Variants in BMP8B observed in about 807,000 individuals in gnomAD.
The protein encoded by BMP8B is bone morphogenetic protein 8 (osteogenic protein 2).
In BMP8B, 17 loss-of-function variants were observed where a neutral mutation model predicts 30.3. That is an observed-to-expected ratio of 0.56 (90% CI 0.38 to 0.84). BMP8B has a LOEUF of 0.84. Ranked by LOEUF, BMP8B falls within the 40% of genes least tolerant of loss-of-function variation. The pLI, the probability that BMP8B is intolerant of heterozygous loss-of-function variation, is 0.00. For synonymous variants in BMP8B, 131 were observed against 214.7 expected (o/e 0.61, Z 3.41); for missense variants, 253 against 494.6 (o/e 0.51, Z 4.63).
In BMP8B at chr1:39,788,092, C is replaced by A; in HGVS notation, c.334+60G>T. The stretch of plus-strand genomic sequence containing the variant: ...CAGGGCCCGGCACAGCCCGCGGATG[C>A]GCGCCCCTCCCCTGCAGCCAGCTTA... On this transcript the variant is annotated intron_variant, in intron 1 of 6. Coordinates refer to ENST00000372827, the MANE Select transcript of BMP8B (RefSeq NM_001720.5). This position sits in a 1 kb window ranked among gnomAD's most constrained non-coding sequence, Gnocchi z 5.8. 2.9e-6 allele frequency: 4 copies of A among 1,402,820 alleles called. No homozygotes were observed. The highest frequency in any genetic ancestry group is 2.8e-6 in the Non-Finnish European group (3 of 1,085,922). The allele number at this position is 1,402,820 out of a possible 1,614,324, so 86.9% of individuals were successfully genotyped here.
intron 6 of BMP8B, 97 bp from the exon 7 acceptor site, chr1:39,760,665 G>A: frequency 6.9e-7 from 1 of 1,453,112 alleles, no homozygotes; most frequent in Non-Finnish European, 9.2e-7. Context: ...CCCTGCCCTG[G>A]CCATCTCCAG....
At position 39,786,634 on chromosome 1, in the gene BMP8B, T is replaced by C. The variant is rs1035107629; in HGVS notation, c.334+1518A>G. Among the ~76,000 whole-genome samples the C allele has an allele frequency of 6.6e-5, 10 of 152,106 alleles. No homozygotes were observed. The East Asian group carries it at 7.7e-4, about 12-fold the overall frequency. On this transcript the variant is annotated intron_variant, in intron 1 of 6. Coordinates refer to ENST00000372827, the MANE Select transcript of BMP8B (RefSeq NM_001720.5). ...CTCCCTGGGGACATTCTTGGACGAC[T>C]CCATCCACAACTCTTCTTGGTCCTG...
chr1:39,761,771 G>A (rs1363656971), intron 6 of BMP8B, among the ~76,000 whole-genome samples: 1 of 152,164 alleles, frequency 6.6e-6, no homozygotes, highest in African/African-American at 2.4e-5. Context: ...GCCAGGCCCA[G>A]TCTCTCCCCA....
Position 39,763,715 on chromosome 1 carries a change from C to A in BMP8B, c.945G>T (p.Trp315Cys), listed in dbSNP as rs1284016425. 1 of 1,599,908 alleles carries A rather than the reference C, an allele frequency of 6.3e-7. No homozygotes were observed. The highest frequency in any genetic ancestry group is 8.5e-7 in the Non-Finnish European group (1 of 1,172,984). Residue 315 changes from tryptophan (W) to cysteine (C), a missense_variant, in exon 5 of 7, where the codon TGG becomes TGT. Physicochemically the swap from Trp to Cys is radical, Grantham distance 215. This residue lies in a region of BMP8B where 116 missense variants were observed against 142.3 expected (regional missense o/e 0.81). Transcript: ENST00000372827. ...ELYVSFQDLG[W>C]LDWVIAPQGY... ...AACAAGAAGAGTCAGCAATTACCAG[C>A]CAGCCGAGGTCCTGGAAGCTGACGT...
At chr1:39,769,653 G>T (rs1172638968) in intron 3 of BMP8B, 1 of 1,479,690 alleles carries the variant, frequency 6.8e-7, no homozygotes, top group East Asian at 2.4e-5. Context: ...GGGGAACCCG[G>T]TGGCACCCGC....
At chr1:39,785,817 C>T (rs1003419881) in intron 1 of BMP8B, among the ~76,000 whole-genome samples, 1 of 152,202 alleles carries the variant, frequency 6.6e-6, no homozygotes, top group African/African-American at 2.4e-5. Flanking sequence ...GCCCCCCCAC[C>T]GCCCCACCCA....
intron 1 of BMP8B, among the ~76,000 whole-genome samples, chr1:39,783,065 C>G (rs905820804): frequency 1.3e-5 from 2 of 152,148 alleles, no homozygotes; most frequent in Non-Finnish European, 2.9e-5. Flanking sequence ...TGGCCGGATA[C>G]AGGCATTATT....
At chr1:39,776,876 G>A (rs115051565) in intron 1 of BMP8B, among the ~76,000 whole-genome samples, 1,902 of 152,202 alleles carry the variant, frequency 0.012, 48 homozygotes, top group African/African-American at 0.043. Flanking sequence ...CCACACACAG[G>A]GAGTTTACGG....
rs200807723 is a variant in BMP8B, at chr1:39,760,373, C to T, written c.*46G>A. On this transcript the variant is annotated 3_prime_UTR_variant, in exon 7 of 7. Coordinates refer to ENST00000372827, the MANE Select transcript of BMP8B (RefSeq NM_001720.5). Reference sequence around the variant, plus strand: ...GAGGGTTTCCTGCTTCTGAGGGGCCCGATCCAGATGAGAAGGGTGGCTGCA... The same window carrying T: ...GAGGGTTTCCTGCTTCTGAGGGGCCTGATCCAGATGAGAAGGGTGGCTGCA... 3.2e-3 allele frequency: 5,191 copies of T among 1,608,658 alleles called. 16 individuals are homozygous for T. Among genetic ancestry groups the T allele is most frequent in the Admixed American group, 4.5e-3 (271 of 59,956 alleles).
chr1:39,761,253 TG>T lies in BMP8B; in HGVS notation c.1060-686del, dbSNP rs1339728902. ...CCGCCCTGACATCATAGCCCCCGCC[TG>T]GGAGGCCTCCTGGATGACTCCTCTT... On this transcript the variant is annotated intron_variant, in intron 6 of 6. Transcript: ENST00000372827. The T allele has an allele frequency of 2.0e-5, 3 of 152,690 alleles. No homozygotes were observed. In the East Asian group the frequency reaches 5.8e-4, roughly 29 times the overall value. The allele number at this position is 152,690 out of a possible 1,614,324, so 9.5% of individuals were successfully genotyped here.
At chr1:39,781,113 T>C (rs2124495292) in intron 1 of BMP8B, among the ~76,000 whole-genome samples, 1 of 152,352 alleles carries the variant, frequency 6.6e-6, no homozygotes, top group Middle Eastern at 3.4e-3. Context: ...GGGGCTATAC[T>C]TTTATTAGCC....
At chr1:39,769,809 G>C (rs767247498) in intron 3 of BMP8B, 2 of 1,613,600 alleles carry the variant, frequency 1.2e-6, no homozygotes. Context: ...AGCTCCCTCA[G>C]CGTCAGCTCT....
At chr1:39,781,530 G>A (rs574371837) in intron 1 of BMP8B, among the ~76,000 whole-genome samples, 82 of 152,336 alleles carry the variant, frequency 5.4e-4, no homozygotes, top group Middle Eastern at 6.8e-3. Flanking sequence ...GAGGCTCAGA[G>A]CATTAAATAA....
At chr1:39,761,508 A>G (rs1191234713) in intron 6 of BMP8B, 4 of 147,168 alleles carry the variant, frequency 2.7e-5, no homozygotes, top group Non-Finnish European at 5.9e-5. Context: ...CTGCTTTGCT[A>G]AAGAGCTCCG....
Position 39,759,177 on chromosome 1 carries a change from GC to G in BMP8B, c.*1241del, listed in dbSNP as rs1423481746. On this transcript the variant is annotated 3_prime_UTR_variant, in exon 7 of 7. Transcript: ENST00000372827. Reference sequence around the variant, plus strand: ...ACAGCAGTTTCCGAGAACAGCAGAGGCTGAGACAAACCTCTCCACCCAACTC... The same window carrying G: ...ACAGCAGTTTCCGAGAACAGCAGAGGTGAGACAAACCTCTCCACCCAACTC... 20 of 152,300 alleles carry G rather than the reference GC, an allele frequency of 1.3e-4. No homozygotes were observed. Among genetic ancestry groups the G allele is most frequent in the African/African-American group, 4.8e-4 (20 of 41,458 alleles). The allele number at this position is 152,300 out of a possible 1,614,324, so 9.4% of individuals were successfully genotyped here. A position where few individuals can be genotyped will look rare whatever the true frequency, so the allele number is the denominator to read the frequency against.
rs965749882 is a variant in BMP8B, at chr1:39,788,689, G to A, written c.-204C>T. On this transcript the variant is annotated 5_prime_UTR_variant, in exon 1 of 7. Transcript: ENST00000372827. The surrounding 1 kb of genome is among the most constrained non-coding windows in gnomAD (Gnocchi z 5.8). ...GCGACACCTGTCCTGGCTCCTGGAC[G>A]AGAGGACGCGGACGCCACCGCCTCG... The A allele has an allele frequency of 6.8e-6, 2 of 292,998 alleles. No homozygotes were observed. Among genetic ancestry groups the A allele is most frequent in the Non-Finnish European group, 1.0e-5 (2 of 197,424 alleles). 18.1% of individuals were successfully genotyped at this position (292,998 alleles called of 1,614,324 possible).
intron 1 of BMP8B, among the ~76,000 whole-genome samples, chr1:39,783,512 C>A (rs1425432335): frequency 6.6e-6 from 1 of 152,086 alleles, no homozygotes; most frequent in African/African-American, 2.4e-5. Context: ...CATACAGTCA[C>A]CCTAATAGTT....
At chr1:39,779,635 G>C (rs758271940) in intron 1 of BMP8B, among the ~76,000 whole-genome samples, 8 of 152,184 alleles carry the variant, frequency 5.3e-5, no homozygotes, top group Non-Finnish European at 1.0e-4. Flanking sequence ...TATTCAAGAG[G>C]GGTGGAAGAA....
chr1:39,762,813 G>T (rs1488119387), intron 6 of BMP8B, among the ~76,000 whole-genome samples: 1 of 152,266 alleles, frequency 6.6e-6, no homozygotes, highest in Non-Finnish European at 1.5e-5. Flanking sequence ...ACACAGGTGC[G>T]TAAGTGTCCC....
Sources: allele counts gnomAD v4.1 joint callset (sites outside exome capture counted in the v4.1 genomes callset), GRCh38; gene constraint gnomAD v4.1.1; regional missense constraint gnomAD v4.1.1; non-coding constraint Gnocchi (gnomAD v3.1); transcripts MANE v1.5; gene names NCBI Gene and HGNC (gene_info 2026-07-23, HGNC 2026-07-21).